The following KCNMB2 variants were observed in gnomAD, a reference collection of about 807,000 sequenced individuals.
KCNMB2 encodes calcium-activated potassium channel subunit beta-2.
Under a neutral mutation model 24.5 loss-of-function variants are expected in KCNMB2, and 9 were observed. The observed-to-expected ratio is 0.37, with a 90% CI of 0.22 to 0.64. The LOEUF (loss-of-function observed/expected upper bound fraction) is 0.64. KCNMB2 is among the 30% of genes least tolerant of loss of function. KCNMB2 has a pLI of 0.63. For missense variants in KCNMB2, 226 were observed against 284.3 expected (o/e 0.79, Z 1.47); for synonymous variants, 109 against 104.4 (o/e 1.04, Z -0.27).
chr3:178,816,795 A>C (rs1043152389), intron 2 of KCNMB2, among the ~76,000 whole-genome samples: 1 of 151,832 alleles, frequency 6.6e-6, no homozygotes, highest in Admixed American at 6.6e-5. Flanking sequence ...ATTTTTTGTT[A>C]TTTATTTCTA....
rs57352804 is a variant in KCNMB2, at chr3:178,678,078, G to A, written c.-67-129265G>A. 1.7e-3 allele frequency among the ~76,000 whole-genome samples: 252 copies of A among 152,298 alleles called. 1 individual carries two copies. Among genetic ancestry groups the A allele is most frequent in the African/African-American group, 5.8e-3 (241 of 41,552 alleles). ...CACCAGTGGTCTCTAATTAGGAGAA[G>A]GTTGCTGAAATCAGTCTCTTGTCCA... On this transcript the variant is annotated intron_variant, in intron 1 of 4. Coordinates refer to ENST00000452583, the MANE Select transcript of KCNMB2 (RefSeq NM_181361.3).
intron 1 of KCNMB2, among the ~76,000 whole-genome samples, chr3:178,804,091 C>G (rs1255090227): frequency 5.3e-5 from 8 of 152,204 alleles, no homozygotes; most frequent in Non-Finnish European, 2.9e-5. Context: ...CTCTGTTCAG[C>G]CACTATACAA....
chr3:178,797,081 A>T (rs938674609), intron 1 of KCNMB2, among the ~76,000 whole-genome samples: 1 of 152,192 alleles, frequency 6.6e-6, no homozygotes, highest in Non-Finnish European at 1.5e-5. Context: ...AGAAATTCAA[A>T]GGATCATTAG....
intron 2 of KCNMB2, 133 bp downstream of exon 2, chr3:178,807,598 G>C: frequency 2.9e-6 from 2 of 689,468 alleles, no homozygotes; most frequent in Non-Finnish European, 4.9e-6. Flanking sequence ...CAGTACAGGA[G>C]TAGGGTTTCA....
At chr3:178,732,522 G>A (rs934199209) in intron 1 of KCNMB2, among the ~76,000 whole-genome samples, 1 of 152,010 alleles carries the variant, frequency 6.6e-6, no homozygotes, top group African/African-American at 2.4e-5. Flanking sequence ...TGTGGGTTTT[G>A]TTGGTGATTT....
intron 1 of KCNMB2, among the ~76,000 whole-genome samples, chr3:178,625,624 A>T (rs756815021): frequency 6.6e-5 from 10 of 152,158 alleles, no homozygotes; most frequent in South Asian, 4.1e-4. Flanking sequence ...AGTGTAGAAC[A>T]GTGGAAAATA....
chr3:178,692,655 T>C (rs920136996), intron 1 of KCNMB2, among the ~76,000 whole-genome samples: 1 of 152,204 alleles, frequency 6.6e-6, no homozygotes, highest in Admixed American at 6.5e-5. Flanking sequence ...AACTCTGTAG[T>C]ATAGTTTGAA....
At position 178,660,993 on chromosome 3, in the gene KCNMB2, A is replaced by ATATAT. The variant is rs1553829584; in HGVS notation, c.-68+124285_-68+124286insATTAT. On this transcript the variant is annotated intron_variant, in intron 1 of 4. Coordinates refer to ENST00000452583, the MANE Select transcript of KCNMB2 (RefSeq NM_181361.3). ...TTTATATATACACATACATATATAT[A>ATATAT]TATTATTATTATATTTTAAGTTCTG... Among the ~76,000 whole-genome samples the ATATAT allele has an allele frequency of 1.9e-4, 28 of 150,000 alleles. 1 individual carries two copies. The highest frequency in any genetic ancestry group is 8.7e-4 in the Admixed American group (13 of 14,990).
chr3:178,561,460 T>C (rs1716313541), intron 1 of KCNMB2, among the ~76,000 whole-genome samples: 1 of 152,192 alleles, frequency 6.6e-6, no homozygotes. Context: ...TATTCTTGGT[T>C]CTGAAACTAA....
In KCNMB2 at chr3:178,825,571, A is replaced by G. The variant is rs562246678; in HGVS notation, c.57-17A>G. The G allele has an allele frequency of 4.4e-6, 7 of 1,604,776 alleles. No individual in the cohort carries two copies. The South Asian group carries it at 5.5e-5, about 13-fold the overall frequency. On this transcript the variant is annotated splice_polypyrimidine_tract_variant and intron_variant, in intron 2 of 4. Coordinates refer to ENST00000452583, the MANE Select transcript of KCNMB2 (RefSeq NM_181361.3). ...TTAACTAAACTTAATGTAAGACCAT[A>G]TTGTTTTTAACCTCAGAAATATTTA...
intron 1 of KCNMB2, among the ~76,000 whole-genome samples, chr3:178,560,114 T>C (rs1716263865): frequency 6.7e-6 from 1 of 149,320 alleles, no homozygotes; most frequent in Non-Finnish European, 1.5e-5. Context: ...TATATATAAA[T>C]TAAGAACCAC....
intron 4 of KCNMB2, among the ~76,000 whole-genome samples, chr3:178,833,777 T>C (rs1273947230): frequency 6.6e-6 from 1 of 152,188 alleles, no homozygotes; most frequent in Non-Finnish European, 1.5e-5. Flanking sequence ...AGTTTTTCTT[T>C]AGCCTTTAAA....
Position 178,842,655 on chromosome 3 carries a change from C to T in KCNMB2, c.426C>T (p.Cys142=). ...TEETIKINQK[C]SYIPKCGKNF... ...ACAGTTTATCTTATTCTCCACAGTG[C>T]TCCTATATACCTAAATGTGGAAAAA... The change falls in exon 5 of 5, where the codon TGC becomes TGT. Residue 142 remains cysteine (C), a splice_region_variant and synonymous_variant. Coordinates refer to ENST00000452583, the MANE Select transcript of KCNMB2 (RefSeq NM_181361.3). 1.3e-6 allele frequency: 2 copies of T among 1,594,118 alleles called. No homozygotes were observed. Among genetic ancestry groups the T allele is most frequent in the Non-Finnish European group, 1.7e-6 (2 of 1,163,298 alleles).
At position 178,843,790 on chromosome 3, in the gene KCNMB2, C is replaced by T. The variant is rs529955844; in HGVS notation, c.*853C>T. On this transcript the variant is annotated 3_prime_UTR_variant, in exon 5 of 5. Coordinates refer to ENST00000452583, the MANE Select transcript of KCNMB2 (RefSeq NM_181361.3). ...ACCATTAGATGGTAAAATTAAGATG[C>T]TACTTGTTGGTAAAAATTGGTGGAC... 1.3e-5 allele frequency: 2 copies of T among 152,228 alleles called. No individual in the cohort carries two copies. The highest frequency in any genetic ancestry group is 4.1e-4 in the South Asian group (2 of 4,824). 9.4% of individuals were successfully genotyped at this position (152,228 alleles called of 1,614,324 possible). A position where few individuals can be genotyped will look rare whatever the true frequency, so the allele number is the denominator to read the frequency against.
At chr3:178,773,300 A>ATTTACC (rs772033738) in intron 1 of KCNMB2, among the ~76,000 whole-genome samples, 21,686 of 152,178 alleles carry the variant, frequency 0.14, 1,841 homozygotes, top group Admixed American at 0.18. Flanking sequence ...TCTTGCAGAA[A>ATTTACC]GTTAACTGCT....
chr3:178,634,946 G>A lies in KCNMB2; in HGVS notation c.-68+98235G>A, dbSNP rs560595274. 5.8e-4 allele frequency among the ~76,000 whole-genome samples: 89 copies of A among 152,224 alleles called. No homozygotes were observed. In the South Asian group the frequency reaches 0.018, roughly 31 times the overall value. ...GAGATAGAGGCAACATGGGGTGCAA[G>A]GGTACAAGTCTGAGTTCAGTGGGGA... On this transcript the variant is annotated intron_variant, in intron 1 of 4. Coordinates refer to ENST00000452583, the MANE Select transcript of KCNMB2 (RefSeq NM_181361.3).
rs1336882180 is a variant in KCNMB2, at chr3:178,843,722, G to A, written c.*785G>A. On this transcript the variant is annotated 3_prime_UTR_variant, in exon 5 of 5. Coordinates refer to ENST00000452583, the MANE Select transcript of KCNMB2 (RefSeq NM_181361.3). ...TCCATTACAATCCAGGAAAGTCTGT[G>A]TTACTGATATTTGTGTGGAAATCTT... 6.6e-6 allele frequency: 1 copy of A among 152,208 alleles called. No homozygotes were observed. Among genetic ancestry groups the A allele is most frequent in the East Asian group, 1.9e-4 (1 of 5,202 alleles). 9.4% of individuals were successfully genotyped at this position (152,208 alleles called of 1,614,324 possible).
In KCNMB2 at chr3:178,553,623, G is replaced by A. The variant is rs115006821; in HGVS notation, c.-68+16912G>A. 7.3e-3 allele frequency among the ~76,000 whole-genome samples: 1,095 copies of A among 150,554 alleles called. 14 individuals are homozygous for A. The highest frequency in any genetic ancestry group is 0.026 in the African/African-American group (1,048 of 40,822). On this transcript the variant is annotated intron_variant, in intron 1 of 4. Transcript: ENST00000452583. ...CTCAGCTCACGGCAACCTTCATTTC[G>A]TCTCCTGGTTTCAAGTGATTCTCTT... is the stretch of plus-strand genomic sequence containing the variant.
chr3:178,645,781 G>T (rs1166600012), intron 1 of KCNMB2, among the ~76,000 whole-genome samples: 1 of 152,166 alleles, frequency 6.6e-6, no homozygotes, highest in African/African-American at 2.4e-5. Flanking sequence ...TCTGACTGAG[G>T]TGGGGAGGGA....
Sources: allele counts gnomAD v4.1 joint callset (sites outside exome capture counted in the v4.1 genomes callset), GRCh38; gene constraint gnomAD v4.1.1; transcripts MANE v1.5; gene names NCBI Gene and HGNC (gene_info 2026-07-23, HGNC 2026-07-21).